Variants in CHST3 observed in about 807,000 individuals in gnomAD.
The protein encoded by CHST3 is C6ST-1.
A neutral mutation model predicts 35.4 loss-of-function variants in CHST3; 20 were observed. The ratio of observed to expected loss-of-function variants is 0.57; its 90% CI spans 0.40 to 0.82. The LOEUF (loss-of-function observed/expected upper bound fraction) is 0.82, where lower values mean the gene tolerates loss of function less well. Among genes scored for constraint, CHST3 ranks in the 40% least tolerant of loss-of-function variants. The pLI, the probability that CHST3 is intolerant of heterozygous loss-of-function variation, is 0.00. For synonymous variants in CHST3, 334 were observed against 295.9 expected (o/e 1.13, Z -1.32); for missense variants, 693 against 670.1 (o/e 1.03, Z -0.38).
At chr10:71,986,121 G>T (rs1839845133) in intron 1 of CHST3, among the ~76,000 whole-genome samples, 1 of 152,184 alleles carries the variant, frequency 6.6e-6, no homozygotes, top group Non-Finnish European at 1.5e-5. Context: ...TCCCTCCCTG[G>T]TTAGCAAGAG....
chr10:71,980,015 G>A (rs1358282994), intron 1 of CHST3, among the ~76,000 whole-genome samples: 1 of 152,140 alleles, frequency 6.6e-6, no homozygotes, highest in African/African-American at 2.4e-5. Context: ...CCTTCTGTCC[G>A]CTGCCTACAT....
intron 1 of CHST3, among the ~76,000 whole-genome samples, chr10:71,993,183 G>A (rs1839913407): frequency 6.6e-6 from 1 of 152,202 alleles, no homozygotes; most frequent in African/African-American, 2.4e-5. Context: ...GCCCAGGAAA[G>A]CTAAAAGACT....
intron 1 of CHST3, among the ~76,000 whole-genome samples, chr10:71,999,068 CA>C (rs1376653017): frequency 2.6e-5 from 4 of 152,264 alleles, no homozygotes; most frequent in Non-Finnish European, 5.9e-5. Context: ...TTGGCCTTCC[CA>C]AGCTGTCTCT....
intron 1 of CHST3, among the ~76,000 whole-genome samples, chr10:71,979,442 G>A (rs1300737909): frequency 1.3e-5 from 2 of 152,026 alleles, no homozygotes; most frequent in African/African-American, 2.4e-5. Context: ...TCCCCTGGGG[G>A]ATTGGTTATG....
At position 72,005,908 on chromosome 10, in the gene CHST3, C is replaced by A; in HGVS notation, c.66C>A (p.Ser22Arg). Residue 22 changes from serine to arginine, a missense_variant, in exon 2 of 3, where the codon AGC (serine) becomes AGA (arginine). Ser to Arg is a moderately radical substitution (Grantham distance 110). Coordinates refer to ENST00000373115, the MANE Select transcript of CHST3 (RefSeq NM_004273.5). ...RDFVHSLKMR[S>R]KYALFLVFVV... is the part of the protein sequence containing the mutation. ...TTGTGCACAGCCTGAAGATGAGAAG[C>A]AAATACGCCCTTTTCTTGGTTTTTG... 1 of 1,614,140 alleles carries A rather than the reference C, an allele frequency of 6.2e-7. No individual in the cohort carries two copies. Among genetic ancestry groups the A allele is most frequent in the Non-Finnish European group, 8.5e-7 (1 of 1,180,008 alleles).
At chr10:71,999,485 C>T (rs1304309226) in intron 1 of CHST3, among the ~76,000 whole-genome samples, 9 of 152,350 alleles carry the variant, frequency 5.9e-5, no homozygotes, top group East Asian at 1.9e-4. Flanking sequence ...TCCTCCAGCT[C>T]GTGGGAAAGG....
In CHST3 at chr10:72,008,411, C is replaced by A. The variant is rs369055984; in HGVS notation, c.1380C>A (p.Ala460=). The change falls in exon 3 of 3, where the codon GCC becomes GCA. Residue 460 remains alanine (A), a synonymous_variant. Transcript: ENST00000373115. ...LFGYKLARDA[A]ALTNRSVSLL... Reference sequence around the variant, plus strand: ...GCTACAAACTGGCGCGGGACGCCGCCGCCCTCACCAACCGCTCAGTCAGCC... The same window carrying A: ...GCTACAAACTGGCGCGGGACGCCGCAGCCCTCACCAACCGCTCAGTCAGCC... The A allele has an allele frequency of 1.1e-4, 169 of 1,572,506 alleles. No individual in the cohort carries two copies. Among genetic ancestry groups the A allele is most frequent in the Non-Finnish European group, 3.4e-5 (40 of 1,159,918 alleles).
Position 71,976,611 on chromosome 10 carries a change from A to G in CHST3, c.-108+11917A>G, listed in dbSNP as rs182232417. On this transcript the variant is annotated intron_variant, in intron 1 of 2. Coordinates refer to ENST00000373115, the MANE Select transcript of CHST3 (RefSeq NM_004273.5). ...CTACCCCTCCTCAGGCTCAGGCCCA[A>G]TGGTTGCTGTAATAATTTCTGGGGA... Among the ~76,000 whole-genome samples, 15 of 152,272 alleles carry G rather than the reference A, an allele frequency of 9.9e-5. No homozygotes were observed. The East Asian group carries it at 1.2e-3, about 12-fold the overall frequency.
At chr10:71,980,382 T>C (rs1839788268) in intron 1 of CHST3, among the ~76,000 whole-genome samples, 1 of 152,174 alleles carries the variant, frequency 6.6e-6, no homozygotes. Flanking sequence ...CTCATGCTTA[T>C]CAACTCATGC....
chr10:71,973,184 G>A (rs1287101890), intron 1 of CHST3, among the ~76,000 whole-genome samples: 2 of 152,302 alleles, frequency 1.3e-5, no homozygotes, highest in East Asian at 3.9e-4. Flanking sequence ...GGCCAAGGAA[G>A]GGACAGACAG....
intron 1 of CHST3, among the ~76,000 whole-genome samples, chr10:71,988,497 C>T (rs1293667584): frequency 6.6e-6 from 1 of 152,084 alleles, no homozygotes; most frequent in East Asian, 1.9e-4. Context: ...GTGTGTGGCA[C>T]CTCCCCATTC....
chr10:72,000,045 T>C (rs74145512), intron 1 of CHST3, among the ~76,000 whole-genome samples: 1,757 of 152,312 alleles, frequency 0.012, 32 homozygotes, highest in African/African-American at 0.04. Flanking sequence ...TTGGTGGCCA[T>C]GGTTCGCACC....
At chr10:71,978,086 C>CA (rs1345759381) in intron 1 of CHST3, among the ~76,000 whole-genome samples, 3 of 152,206 alleles carry the variant, frequency 2.0e-5, no homozygotes, top group African/African-American at 7.2e-5. Context: ...TCACACTGTA[C>CA]AAAGTGGCTC....
rs577855974 is a variant in CHST3, at chr10:71,985,302, C to A, written c.-107-20434C>A. Reference sequence around the variant, plus strand: ...CTGCCTGCAGCCGCTAGTCCCAGCTCCCCTCCTTACCAGAACCCACACCAT... The same window carrying A: ...CTGCCTGCAGCCGCTAGTCCCAGCTACCCTCCTTACCAGAACCCACACCAT... On this transcript the variant is annotated intron_variant, in intron 1 of 2. Transcript: ENST00000373115. Among the ~76,000 whole-genome samples, 8 of 152,374 alleles carry A rather than the reference C, an allele frequency of 5.3e-5. No individual in the cohort carries two copies. The South Asian group carries it at 1.7e-3, about 32-fold the overall frequency.
chr10:71,979,904 G>C (rs1195921940), intron 1 of CHST3, among the ~76,000 whole-genome samples: 1 of 152,186 alleles, frequency 6.6e-6, no homozygotes, highest in Non-Finnish European at 1.5e-5. Flanking sequence ...GAGCATGGGG[G>C]CTGGAGGGCC....
rs1368560027 is a variant in CHST3 at position 72,013,282 on chromosome 10, A to T, written c.*4811A>T. ...GCATACACTGCCATGGTATGTACATATGCATCCACGTGTGTGTATGTGTAG... is the reference window on the plus strand; with the variant it reads ...GCATACACTGCCATGGTATGTACATTTGCATCCACGTGTGTGTATGTGTAG... On this transcript the variant is annotated 3_prime_UTR_variant, in exon 3 of 3. Coordinates refer to ENST00000373115, the MANE Select transcript of CHST3 (RefSeq NM_004273.5). The T allele has an allele frequency of 6.6e-6, 1 of 152,202 alleles. No individual in the cohort carries two copies. Among genetic ancestry groups the T allele is most frequent in the Non-Finnish European group, 1.5e-5 (1 of 68,064 alleles). 9.4% of individuals were successfully genotyped at this position (152,202 alleles called of 1,614,324 possible).
chr10:71,983,263 A>G (rs1270410947), intron 1 of CHST3, among the ~76,000 whole-genome samples: 1 of 152,224 alleles, frequency 6.6e-6, no homozygotes, highest in Non-Finnish European at 1.5e-5. Context: ...GACATAATGC[A>G]GCAACCCAGC....
At chr10:71,970,631 G>A (rs1839684593) in intron 1 of CHST3, among the ~76,000 whole-genome samples, 2 of 152,164 alleles carry the variant, frequency 1.3e-5, no homozygotes. Flanking sequence ...ACGGCCGGGG[G>A]TCCCAGCTCA....
chr10:72,002,770 G>A (rs1840005449), intron 1 of CHST3, among the ~76,000 whole-genome samples: 1 of 152,214 alleles, frequency 6.6e-6, no homozygotes, highest in Non-Finnish European at 1.5e-5. Flanking sequence ...CCCACCACAG[G>A]CTAAACAGGG....
Sources: allele counts gnomAD v4.1 joint callset (sites outside exome capture counted in the v4.1 genomes callset), GRCh38; gene constraint gnomAD v4.1.1; transcripts MANE v1.5; gene names NCBI Gene and HGNC (gene_info 2026-07-23, HGNC 2026-07-21).